The following ENDOD1 variants were observed in gnomAD, a reference collection of about 807,000 sequenced individuals.
The protein encoded by ENDOD1 is endonuclease domain-containing 1 protein.
In ENDOD1, 9 loss-of-function variants were observed where a neutral mutation model predicts 6.5. That is an observed-to-expected ratio of 1.39 (90% CI 0.84 to 2.43). The LOEUF (loss-of-function observed/expected upper bound fraction) is 2.43. ENDOD1 is among the 30% of genes most tolerant of loss of function. The pLI, the probability that ENDOD1 is intolerant of heterozygous loss-of-function variation, is 0.00. For synonymous variants in ENDOD1, 255 were observed against 255.2 expected, an observed-to-expected ratio of 1.00 and a Z score of 0.01; for missense variants, 648 against 635.5, an observed-to-expected ratio of 1.02 and a Z score of -0.21.
intron 1 of ENDOD1, among the ~76,000 whole-genome samples, chr11:95,127,167 G>A (rs1859319892): frequency 1.3e-5 from 2 of 152,328 alleles, no homozygotes; most frequent in South Asian, 4.1e-4. Context: ...CCTTGGGCTG[G>A]GTTCTGGGGG....
At chr11:95,124,572 G>C (rs890006855) in intron 1 of ENDOD1, among the ~76,000 whole-genome samples, 22 of 152,202 alleles carry the variant, frequency 1.4e-4, no homozygotes, top group African/African-American at 4.6e-4. Flanking sequence ...TGAAGCATAT[G>C]GTTTAGTTAC....
chr11:95,112,054 C>T lies in ENDOD1; in HGVS notation c.301-16323C>T, dbSNP rs144671385. On this transcript the variant is annotated intron_variant, in intron 1 of 1. Coordinates refer to ENST00000278505, the MANE Select transcript of ENDOD1 (RefSeq NM_015036.3). ...TCCACCAGCTGTCTTCTTTCCTGAG[C>T]CCTCTGTCGCTACTGGTCTCTAATC... Among the ~76,000 whole-genome samples the T allele has an allele frequency of 5.0e-3, 756 of 152,304 alleles. 2 individuals carry two copies. The highest frequency in any genetic ancestry group is 7.9e-3 in the Non-Finnish European group (538 of 68,026).
At chr11:95,115,272 T>C (rs1275288273) in intron 1 of ENDOD1, among the ~76,000 whole-genome samples, 5 of 152,148 alleles carry the variant, frequency 3.3e-5, no homozygotes, top group Non-Finnish European at 7.4e-5. Flanking sequence ...GGATTACTTT[T>C]CTGTTCCTTT....
At chr11:95,103,103 GTGTGT>G (rs1859057530) in intron 1 of ENDOD1, among the ~76,000 whole-genome samples, 1 of 135,494 alleles carries the variant, frequency 7.4e-6, no homozygotes, top group Non-Finnish European at 1.7e-5. Flanking sequence ...CAGAGTGGGT[GTGTGT>G]GTGTGTGTGT....
chr11:95,105,123 G>T (rs1859077146), intron 1 of ENDOD1, among the ~76,000 whole-genome samples: 1 of 152,180 alleles, frequency 6.6e-6, no homozygotes, highest in Non-Finnish European at 1.5e-5. Context: ...AGATTTCACT[G>T]GGGCCGTATC....
Position 95,089,858 on chromosome 11 carries a change from C to G in ENDOD1, c.-70C>G. ...CCTGCTCGGCTGCGTAGTGCGCTCC[C>G]CGCCCAGCCTGCAGAGCTCGCGCCG... On this transcript the variant is annotated 5_prime_UTR_variant, in exon 1 of 2. Coordinates refer to ENST00000278505, the MANE Select transcript of ENDOD1 (RefSeq NM_015036.3). 7.9e-7 allele frequency: 1 copy of G among 1,259,404 alleles called. No individual in the cohort carries two copies. Among genetic ancestry groups the G allele is most frequent in the Non-Finnish European group, 1.0e-6 (1 of 1,000,270 alleles). 78.0% of individuals were successfully genotyped at this position (1,259,404 alleles called of 1,614,324 possible). A position where few individuals can be genotyped will look rare whatever the true frequency, so the allele number is the denominator to read the frequency against.
At chr11:95,103,610 C>A (rs570157211) in intron 1 of ENDOD1, among the ~76,000 whole-genome samples, 1 of 152,152 alleles carries the variant, frequency 6.6e-6, no homozygotes, top group African/African-American at 2.4e-5. Flanking sequence ...GATTGTTAGC[C>A]GCTAAGGGGC....
intron 1 of ENDOD1, among the ~76,000 whole-genome samples, chr11:95,095,117 C>A (rs1858971317): frequency 6.6e-6 from 1 of 152,238 alleles, no homozygotes; most frequent in Admixed American, 6.5e-5. Context: ...TTCTGCAAAT[C>A]TCTCCTAAAA....
At chr11:95,110,774 T>A (rs1424465976) in intron 1 of ENDOD1, among the ~76,000 whole-genome samples, 1 of 152,186 alleles carries the variant, frequency 6.6e-6, no homozygotes, top group African/African-American at 2.4e-5. Context: ...CTACTCTCAC[T>A]CCATTGTCCC....
chr11:95,127,876 C>T (rs1859326655), intron 1 of ENDOD1, among the ~76,000 whole-genome samples: 1 of 152,116 alleles, frequency 6.6e-6, no homozygotes, highest in South Asian at 2.1e-4. Context: ...TCTCCTGCCT[C>T]AGCCTCCCAT....
At chr11:95,090,948 A>C (rs938294279) in intron 1 of ENDOD1, among the ~76,000 whole-genome samples, 3 of 148,648 alleles carry the variant, frequency 2.0e-5, no homozygotes, top group African/African-American at 7.4e-5. Context: ...ATAGGGAAAC[A>C]TTGACTACCT....
chr11:95,103,718 A>G (rs1348917852), intron 1 of ENDOD1, among the ~76,000 whole-genome samples: 4 of 152,162 alleles, frequency 2.6e-5, no homozygotes, highest in Non-Finnish European at 5.9e-5. Context: ...ATGCTACCAA[A>G]TCTCTTAGAG....
intron 1 of ENDOD1, among the ~76,000 whole-genome samples, chr11:95,106,667 A>T (rs1183921846): frequency 6.6e-6 from 1 of 152,104 alleles, no homozygotes; most frequent in Admixed American, 6.5e-5. Context: ...GATCCAAAGG[A>T]CCCACAGTAT....
rs766665303 is a variant in ENDOD1 at position 95,129,146 on chromosome 11, T to C, written c.1070T>C (p.Ile357Thr). 4.3e-6 allele frequency: 7 copies of C among 1,614,084 alleles called. No individual in the cohort carries two copies. Among genetic ancestry groups the C allele is most frequent in the Middle Eastern group, 3.3e-4 (2 of 6,062 alleles). The change falls in exon 2 of 2, where the codon ATT becomes ACT. Residue 357 changes from isoleucine to threonine, a missense_variant. Coordinates refer to ENST00000278505, the MANE Select transcript of ENDOD1 (RefSeq NM_015036.3). Reference sequence around the variant, plus strand: ...CTTGTGGTAGCAATCCTGAAGAACATTGTCTATTTCCTGTGGTGTGTTACC... The same window carrying C: ...CTTGTGGTAGCAATCCTGAAGAACACTGTCTATTTCCTGTGGTGTGTTACC... ...YYLVVAILKN[I>T]VYFLWCVTKQ...
In ENDOD1 at chr11:95,132,595, A is replaced by G. The variant is rs1220159298; in HGVS notation, c.*3016A>G. The G allele has an allele frequency of 6.6e-6, 1 of 152,226 alleles. No individual in the cohort carries two copies. The allele number at this position is 152,226 out of a possible 1,614,324, so 9.4% of individuals were successfully genotyped here. A position where few individuals can be genotyped will look rare whatever the true frequency, so the allele number is the denominator to read the frequency against. Reference sequence around the variant, plus strand: ...AAACTCAATTTGACATTTTCAAGCTATGTACAATGATGTGCACCTTGCAGA... The same window carrying G: ...AAACTCAATTTGACATTTTCAAGCTGTGTACAATGATGTGCACCTTGCAGA... On this transcript the variant is annotated 3_prime_UTR_variant, in exon 2 of 2. Coordinates refer to ENST00000278505, the MANE Select transcript of ENDOD1 (RefSeq NM_015036.3).
At chr11:95,092,691 G>C (rs1465515869) in intron 1 of ENDOD1, among the ~76,000 whole-genome samples, 2 of 152,120 alleles carry the variant, frequency 1.3e-5, no homozygotes, top group African/African-American at 2.4e-5. Context: ...GATCCAGAGA[G>C]TATTGGGAGA....
chr11:95,094,009 G>A (rs1240444830), intron 1 of ENDOD1, among the ~76,000 whole-genome samples: 1 of 152,048 alleles, frequency 6.6e-6, no homozygotes, highest in Non-Finnish European at 1.5e-5. Context: ...CTTAATGGAA[G>A]AATTTTTAGA....
At chr11:95,120,056 T>G (rs1322537533) in intron 1 of ENDOD1, among the ~76,000 whole-genome samples, 3 of 152,102 alleles carry the variant, frequency 2.0e-5, no homozygotes, top group Non-Finnish European at 4.4e-5. Flanking sequence ...GGGACTTACC[T>G]TTGAGGGCAG....
intron 1 of ENDOD1, among the ~76,000 whole-genome samples, chr11:95,120,583 C>G (rs184106274): frequency 2.0e-5 from 3 of 152,066 alleles, no homozygotes; most frequent in Non-Finnish European, 4.4e-5. Flanking sequence ...TCTTCTCAAG[C>G]AGAAGGAAGA....
Sources: allele counts gnomAD v4.1 joint callset (sites outside exome capture counted in the v4.1 genomes callset), GRCh38; gene constraint gnomAD v4.1.1; transcripts MANE v1.5; gene names NCBI Gene and HGNC (gene_info 2026-07-23, HGNC 2026-07-21).